WWC2: variants seen among roughly 807,000 people sequenced by gnomAD.
WWC2 encodes the protein WW and C2 domain containing 2.
Under a neutral mutation model 138.5 loss-of-function variants are expected in WWC2, and 101 were observed. That is an observed-to-expected ratio of 0.73 (90% CI 0.62 to 0.86). The LOEUF is 0.86. WWC2 is among the 40% of genes least tolerant of loss of function. The pLI, the probability that WWC2 is intolerant of heterozygous loss-of-function variation, is 0.00. For missense variants in WWC2, 1,420 were observed against 1,419.4 expected, an observed-to-expected ratio of 1.00 and a Z score of -0.01; for synonymous variants, 558 against 538.4, an observed-to-expected ratio of 1.04 and a Z score of -0.50.
intron 16 of WWC2, among the ~76,000 whole-genome samples, chr4:183,278,509 G>C (rs1382719832): frequency 6.6e-6 from 1 of 151,950 alleles, no homozygotes; most frequent in Non-Finnish European, 1.5e-5. Context: ...TTCAAATTCT[G>C]TGAAGAAAGG....
chr4:183,113,342 T>A (rs536980135), intron 1 of WWC2, among the ~76,000 whole-genome samples: 1 of 151,936 alleles, frequency 6.6e-6, no homozygotes, highest in East Asian at 2.0e-4. Context: ...GTAATTGCTT[T>A]CAATGCAAAA....
At chr4:183,104,019 G>A (rs1453012811) in intron 1 of WWC2, among the ~76,000 whole-genome samples, 1 of 151,512 alleles carries the variant, frequency 6.6e-6, no homozygotes, top group African/African-American at 2.4e-5. Context: ...GAGTGCAATG[G>A]CGCGATGTTG....
chr4:183,281,447 T>C (rs1738073034), intron 17 of WWC2: 1 of 152,984 alleles, frequency 6.5e-6, no homozygotes, highest in South Asian at 2.1e-4. Flanking sequence ...TATAAAGAGC[T>C]CTCCTTCCTG....
chr4:183,148,219 G>GA (rs1733521446), intron 1 of WWC2, among the ~76,000 whole-genome samples: 1 of 152,122 alleles, frequency 6.6e-6, no homozygotes, highest in South Asian at 2.1e-4. Flanking sequence ...AAGTACTAAT[G>GA]AAAAATACTG....
intron 1 of WWC2, among the ~76,000 whole-genome samples, chr4:183,158,326 C>G (rs909154501): frequency 2.0e-5 from 3 of 152,124 alleles, no homozygotes; most frequent in African/African-American, 7.2e-5. Flanking sequence ...GTAGCACTGA[C>G]TGGGTGGCTT....
rs143748409 is a variant in WWC2, at chr4:183,250,178, C to G, written c.953+185C>G. 5.9e-5 allele frequency among the ~76,000 whole-genome samples: 9 copies of G among 151,560 alleles called. No homozygotes were observed. In the East Asian group the frequency reaches 9.7e-4, roughly 16 times the overall value. On this transcript the variant is annotated intron_variant, in intron 8 of 22. Coordinates refer to ENST00000403733, the MANE Select transcript of WWC2 (RefSeq NM_024949.6). ...TTTTCTTCCCCCCGCCCTCCACCCC[C>G]CAACCACCAAAAGCTAAAGAACAGG...
chr4:183,099,609 G>C lies in WWC2; in HGVS notation c.118G>C (p.Asp40His). Residue 40 changes from aspartate (D) to histidine (H), a missense_variant, in exon 1 of 23, where the codon GAC (aspartate) becomes CAC (histidine). Transcript: ENST00000403733. ...CAACACCAGGAGGACCAGCTGGATC[G>C]ACCCCCGGGACAGGTGGGCGCCGGC... Reference protein sequence around the residue: ...DHNTRRTSWIDPRDRLTKPLS... With the variant: ...DHNTRRTSWIHPRDRLTKPLS... The C allele has an allele frequency of 7.3e-7, 1 of 1,363,824 alleles. No homozygotes were observed. Among genetic ancestry groups the C allele is most frequent in the East Asian group, 3.4e-5 (1 of 29,570 alleles). The allele number at this position is 1,363,824 out of a possible 1,614,324, so 84.5% of individuals were successfully genotyped here. A position where few individuals can be genotyped will look rare whatever the true frequency, so the allele number is the denominator to read the frequency against.
At chr4:183,113,522 G>GCGCGTGCGCGCGCA (rs1554064981) in intron 1 of WWC2, among the ~76,000 whole-genome samples, 3 of 147,432 alleles carry the variant, frequency 2.0e-5, no homozygotes, top group Non-Finnish European at 4.5e-5. Flanking sequence ...GTGTGCGCGC[G>GCGCGTGCGCGCGCA]CGTGCGCGCG....
Position 183,169,410 on chromosome 4 carries a change from T to C in WWC2, c.132-24189T>C, listed in dbSNP as rs538310119. On this transcript the variant is annotated intron_variant, in intron 1 of 22. Transcript: ENST00000403733. ...TGCTAGATGAATTCTAAAAGAGCTG[T>C]AACACGGACTCAAAGCTTTTAAAAT... Among the ~76,000 whole-genome samples, 11 of 148,018 alleles carry C rather than the reference T, an allele frequency of 7.4e-5. No individual in the cohort carries two copies. In the Admixed American group the frequency reaches 7.6e-4, roughly 10 times the overall value.
chr4:183,296,099 G>C (rs1738623018), intron 21 of WWC2, among the ~76,000 whole-genome samples: 1 of 152,340 alleles, frequency 6.6e-6, no homozygotes, highest in Admixed American at 6.5e-5. Context: ...GTCACTTCCT[G>C]TGCCTGCCTC....
At chr4:183,291,025 T>C (rs1738434494) in intron 21 of WWC2, among the ~76,000 whole-genome samples, 1 of 152,230 alleles carries the variant, frequency 6.6e-6, no homozygotes, top group East Asian at 1.9e-4. Context: ...TCCCACCTGA[T>C]AGAAGGAAAC....
chr4:183,282,201 C>T (rs1738098667), intron 17 of WWC2, among the ~76,000 whole-genome samples: 1 of 152,156 alleles, frequency 6.6e-6, no homozygotes, highest in Non-Finnish European at 1.5e-5. Flanking sequence ...CAGCCCATGC[C>T]AGGGCTTTTG....
intron 1 of WWC2, among the ~76,000 whole-genome samples, chr4:183,118,741 A>G (rs1732503290): frequency 6.6e-6 from 1 of 152,174 alleles, no homozygotes; most frequent in Non-Finnish European, 1.5e-5. Context: ...AGACACATTG[A>G]CAAAACATTC....
chr4:183,152,389 C>CTT (rs1206431566), intron 1 of WWC2, among the ~76,000 whole-genome samples: 1 of 151,968 alleles, frequency 6.6e-6, no homozygotes, highest in African/African-American at 2.4e-5. Context: ...CTTCCAGCTA[C>CTT]TTGGGAGGCA....
intron 1 of WWC2, among the ~76,000 whole-genome samples, chr4:183,113,093 C>T (rs887951370): frequency 1.3e-5 from 2 of 151,920 alleles, no homozygotes; most frequent in African/African-American, 4.8e-5. Flanking sequence ...GCCAACATGG[C>T]AAAACCCCAT....
At chr4:183,113,525 TGCGCGCGCACATGCACGTGC>T (rs761036423) in intron 1 of WWC2, among the ~76,000 whole-genome samples, 86 of 135,452 alleles carry the variant, frequency 6.3e-4, no homozygotes, top group Non-Finnish European at 1.2e-3. Context: ...TGCGCGCGCG[TGCGCGCGCACATGCACGTGC>T]ATGCAAGATG....
chr4:183,230,158 C>T (rs1039424482), intron 4 of WWC2, among the ~76,000 whole-genome samples: 7 of 151,860 alleles, frequency 4.6e-5, no homozygotes, highest in Non-Finnish European at 2.9e-5. Context: ...GGCAGGGTCT[C>T]GCTACGGTAC....
intron 1 of WWC2, among the ~76,000 whole-genome samples, chr4:183,157,941 C>T (rs1459905468): frequency 2.6e-5 from 4 of 152,116 alleles, no homozygotes; most frequent in Admixed American, 2.0e-4. Flanking sequence ...CAAGGGACTG[C>T]CTCCTAGAGT....
chr4:183,268,558 G>C (rs955668810), intron 14 of WWC2, among the ~76,000 whole-genome samples: 2 of 152,096 alleles, frequency 1.3e-5, no homozygotes, highest in African/African-American at 4.8e-5. Context: ...TTAATACTCA[G>C]GATGAGGATT....
Sources: allele counts gnomAD v4.1 joint callset (sites outside exome capture counted in the v4.1 genomes callset), GRCh38; gene constraint gnomAD v4.1.1; transcripts MANE v1.5; gene names NCBI Gene and HGNC (gene_info 2026-07-23, HGNC 2026-07-21).